The following CACNB2 variants were observed in gnomAD, a reference collection of about 807,000 sequenced individuals.
CACNB2 encodes voltage-dependent L-type calcium channel subunit beta-2.
Under a neutral mutation model 73.3 loss-of-function variants are expected in CACNB2, and 42 were observed. That is an observed-to-expected ratio of 0.57 (90% CI 0.45 to 0.74). The LOEUF is 0.74. CACNB2 is among the 30% of genes least tolerant of loss of function. CACNB2 has a pLI of 0.00. For missense variants in CACNB2, 940 were observed against 853.0 expected, an observed-to-expected ratio of 1.10 and a Z score of -1.27; for synonymous variants, 348 against 310.3, an observed-to-expected ratio of 1.12 and a Z score of -1.28.
chr10:18,351,697 T>C (rs778060702), intron 2 of CACNB2, among the ~76,000 whole-genome samples: 6 of 152,214 alleles, frequency 3.9e-5, no homozygotes, highest in Non-Finnish European at 7.3e-5. Context: ...GGAAACAAAA[T>C]GAATTGAGTT....
In CACNB2 at chr10:18,445,513, G is replaced by A. The variant is rs887709448; in HGVS notation, c.333+43470G>A. On this transcript the variant is annotated intron_variant, in intron 3 of 13. Transcript: ENST00000324631. Reference sequence around the variant, plus strand: ...CCTTTCCTATGTACAGGAGATTTCCGAGGTACGTAATGTGATTGTTATTCA... The same window carrying A: ...CCTTTCCTATGTACAGGAGATTTCCAAGGTACGTAATGTGATTGTTATTCA... 3.9e-5 allele frequency among the ~76,000 whole-genome samples: 6 copies of A among 152,174 alleles called. No individual in the cohort carries two copies. In the South Asian group the frequency reaches 1.0e-3, roughly 26 times the overall value.
intron 3 of CACNB2, among the ~76,000 whole-genome samples, chr10:18,407,590 G>C (rs919371465): frequency 1.3e-5 from 2 of 152,040 alleles, no homozygotes; most frequent in Admixed American, 6.6e-5. Context: ...GATCAGTTCA[G>C]TTCTGGAAAC....
chr10:18,231,739 C>T (rs1329651160), intron 2 of CACNB2, among the ~76,000 whole-genome samples: 3 of 152,176 alleles, frequency 2.0e-5, no homozygotes, highest in African/African-American at 7.2e-5. Context: ...GACTTAAGTT[C>T]TAAATCAGAT....
At chr10:18,441,407 A>C (rs1440284451) in intron 3 of CACNB2, among the ~76,000 whole-genome samples, 1 of 152,174 alleles carries the variant, frequency 6.6e-6, no homozygotes, top group Non-Finnish European at 1.5e-5. Flanking sequence ...CCATCTCAAA[A>C]AAATAAATAA....
chr10:18,437,574 G>T (rs972539427), intron 3 of CACNB2, among the ~76,000 whole-genome samples: 1 of 152,132 alleles, frequency 6.6e-6, no homozygotes, highest in African/African-American at 2.4e-5. Context: ...CATTCTCCAC[G>T]CATTTCACTG....
intron 2 of CACNB2, among the ~76,000 whole-genome samples, chr10:18,387,495 T>C (rs2132422293): frequency 6.6e-6 from 1 of 152,332 alleles, no homozygotes; most frequent in Middle Eastern, 3.4e-3. Context: ...CTTTGAGTAT[T>C]ACATTCTACT....
At chr10:18,478,447 G>C (rs2048550645) in intron 3 of CACNB2, among the ~76,000 whole-genome samples, 1 of 152,212 alleles carries the variant, frequency 6.6e-6, no homozygotes, top group African/African-American at 2.4e-5. Context: ...AAAATGTATA[G>C]AATGGTGGTG....
intron 7 of CACNB2, among the ~76,000 whole-genome samples, 197 bp from the exon 8 acceptor site, chr10:18,518,139 A>G (rs1299984777): frequency 6.6e-6 from 1 of 152,202 alleles, no homozygotes; most frequent in African/African-American, 2.4e-5. Flanking sequence ...ACTGTAGACA[A>G]CAGTAACTTG....
In CACNB2 at chr10:18,531,070, T is replaced by C. The variant is rs576183020; in HGVS notation, c.1055-3006T>C. On this transcript the variant is annotated intron_variant, in intron 10 of 13. Transcript: ENST00000324631. ...GTGTGTAGTAATTATGAAAATGGCATTGGAATTACACATATGGCATTAAAT... is the reference window on the plus strand; with the variant it reads ...GTGTGTAGTAATTATGAAAATGGCACTGGAATTACACATATGGCATTAAAT... 2.6e-5 allele frequency among the ~76,000 whole-genome samples: 4 copies of C among 152,282 alleles called. No individual in the cohort carries two copies. In the South Asian group the frequency reaches 8.3e-4, roughly 32 times the overall value.
intron 3 of CACNB2, among the ~76,000 whole-genome samples, chr10:18,449,969 C>T (rs979393301): frequency 3.3e-5 from 5 of 152,214 alleles, no homozygotes; most frequent in African/African-American, 7.2e-5. Context: ...TTCTCACCAG[C>T]GTGGAAGACC....
chr10:18,231,378 C>A (rs983292175), intron 2 of CACNB2, among the ~76,000 whole-genome samples: 1 of 152,132 alleles, frequency 6.6e-6, no homozygotes, highest in African/African-American at 2.4e-5. Flanking sequence ...GGGGTTTCGC[C>A]ATGTTGGCCA....
chr10:18,153,559 TTTAC>T (rs953345369), intron 2 of CACNB2, among the ~76,000 whole-genome samples: 3 of 138,586 alleles, frequency 2.2e-5, no homozygotes, highest in Non-Finnish European at 4.7e-5. Flanking sequence ...CACACTAGAT[TTTAC>T]TTATTTATTT....
chr10:18,443,742 T>A (rs1254400423), intron 3 of CACNB2, among the ~76,000 whole-genome samples: 1 of 144,168 alleles, frequency 6.9e-6, no homozygotes, highest in Non-Finnish European at 1.5e-5. Flanking sequence ...TTAAACAGAG[T>A]CTCACTCTGT....
chr10:18,226,900 C>T (rs1489525625), intron 2 of CACNB2, among the ~76,000 whole-genome samples: 1 of 152,034 alleles, frequency 6.6e-6, no homozygotes, highest in Non-Finnish European at 1.5e-5. Context: ...TCAGATGTTG[C>T]TACTATCCAG....
intron 2 of CACNB2, chr10:18,234,293 G>A (rs1197318586): frequency 6.6e-6 from 1 of 152,194 alleles, no homozygotes; most frequent in Non-Finnish European, 1.5e-5. Context: ...AGTTTTGGTA[G>A]GAATGGAAAA....
At chr10:18,454,462 G>C (rs948514684) in intron 3 of CACNB2, among the ~76,000 whole-genome samples, 4 of 151,954 alleles carry the variant, frequency 2.6e-5, no homozygotes, top group Non-Finnish European at 5.9e-5. Flanking sequence ...ATTTTTCTAG[G>C]TACTGTATGT....
chr10:18,515,435 G>C (rs2051181816), intron 7 of CACNB2, among the ~76,000 whole-genome samples: 1 of 152,164 alleles, frequency 6.6e-6, no homozygotes, highest in Non-Finnish European at 1.5e-5. Flanking sequence ...CTCACACGCA[G>C]ATGTGATGTC....
At chr10:18,256,234 C>G (rs928072020) in intron 2 of CACNB2, among the ~76,000 whole-genome samples, 1 of 149,484 alleles carries the variant, frequency 6.7e-6, no homozygotes, top group Non-Finnish European at 1.5e-5. Flanking sequence ...AATTTAGCTA[C>G]ATGAGCCAAG....
chr10:18,180,510 C>A (rs916697085), intron 2 of CACNB2, among the ~76,000 whole-genome samples: 26 of 151,106 alleles, frequency 1.7e-4, no homozygotes, highest in African/African-American at 6.3e-4. Flanking sequence ...AATCCTGTTG[C>A]GTCGCAGAGG....
Sources: gnomAD v4.1 joint callset for allele counts (sites outside exome capture counted in the v4.1 genomes callset) on GRCh38, gnomAD v4.1.1 for gene constraint, MANE v1.5 for transcripts, NCBI Gene and HGNC (gene_info 2026-07-23, HGNC 2026-07-21) for gene names.